MMRN1: variants seen among roughly 807,000 people sequenced by gnomAD.
MMRN1 encodes the protein multimerin 1, also known as multimerin-1.
A neutral mutation model predicts 100.7 loss-of-function variants in MMRN1; 94 were observed. The observed-to-expected ratio is 0.93, with a 90% CI of 0.79 to 1.11. The LOEUF is 1.11. MMRN1 is among the 50% of genes least tolerant of loss of function. The probability of loss-of-function intolerance (pLI) is 0.00; values close to 1 mark genes in which losing one functional copy is unlikely to be tolerated. For synonymous variants in MMRN1, 575 were observed against 505.0 expected, an observed-to-expected ratio of 1.14 and a Z score of -1.86; for missense variants, 1,606 against 1,439.1, an observed-to-expected ratio of 1.12 and a Z score of -1.88.
At chr4:89,901,787 A>G (rs1721396157) in intron 1 of MMRN1, among the ~76,000 whole-genome samples, 1 of 152,044 alleles carries the variant, frequency 6.6e-6, no homozygotes, top group Non-Finnish European at 1.5e-5. Context: ...GTTACTATAA[A>G]TATATATTGC....
chr4:89,888,286 C>G (rs531398385), intron 1 of MMRN1, among the ~76,000 whole-genome samples: 1 of 151,908 alleles, frequency 6.6e-6, no homozygotes, highest in Non-Finnish European at 1.5e-5. Context: ...TTCCCCTTTA[C>G]TTTTGAAGGA....
Position 89,901,427 on chromosome 4 carries a change from A to C in MMRN1, c.623+5833A>C, listed in dbSNP as rs995056255. On this transcript the variant is annotated intron_variant, in intron 1 of 7. Transcript: ENST00000264790. ...AAAATTATTCTGAGTTTAATGACAA[A>C]TTAGAAAATTACAAAAATTAACCAT... Among the ~76,000 whole-genome samples, 33 of 152,078 alleles carry C rather than the reference A, an allele frequency of 2.2e-4. 1 individual carries two copies. Among genetic ancestry groups the C allele is most frequent in the African/African-American group, 4.8e-5 (2 of 41,430 alleles).
chr4:89,952,096 G>A (rs1723197400), intron 7 of MMRN1, among the ~76,000 whole-genome samples: 1 of 152,060 alleles, frequency 6.6e-6, no homozygotes, highest in African/African-American at 2.4e-5. Context: ...CCTCAAACAA[G>A]CAGTTAAAGA....
At chr4:89,934,573 G>C (rs1722541569) in intron 5 of MMRN1, among the ~76,000 whole-genome samples, 1 of 152,018 alleles carries the variant, frequency 6.6e-6, no homozygotes, top group African/African-American at 2.4e-5. Context: ...TAGTTTTATG[G>C]TTTTAGTATG....
intron 6 of MMRN1, among the ~76,000 whole-genome samples, chr4:89,937,705 TA>T (rs1030924428): frequency 3.3e-5 from 5 of 152,010 alleles, no homozygotes; most frequent in Non-Finnish European, 5.9e-5. Flanking sequence ...TGCTTCACTG[TA>T]AAAAAATCCA....
chr4:89,926,052 T>C (rs1043959652), intron 4 of MMRN1, among the ~76,000 whole-genome samples: 2 of 152,208 alleles, frequency 1.3e-5, no homozygotes, highest in African/African-American at 4.8e-5. Context: ...GTTTCTTCCA[T>C]ATCTTGGCTA....
chr4:89,922,999 T>C (rs1193405357), intron 3 of MMRN1, among the ~76,000 whole-genome samples, 169 bp from the exon 4 acceptor site: 1 of 152,230 alleles, frequency 6.6e-6, no homozygotes, highest in Non-Finnish European at 1.5e-5. Context: ...CAATGTGGTG[T>C]TGCATTGCCC....
intron 1 of MMRN1, among the ~76,000 whole-genome samples, chr4:89,885,876 C>G (rs1720925106): frequency 6.6e-6 from 1 of 151,948 alleles, no homozygotes; most frequent in South Asian, 2.1e-4. Flanking sequence ...TGCCCATTTT[C>G]TGTTTCATTA....
chr4:89,888,443 G>GT (rs34226004), intron 1 of MMRN1, among the ~76,000 whole-genome samples: 125 of 143,348 alleles, frequency 8.7e-4, no homozygotes, highest in Middle Eastern at 3.7e-3. Flanking sequence ...GATATGGCGT[G>GT]TTTTTTTTTT....
intron 1 of MMRN1, among the ~76,000 whole-genome samples, chr4:89,904,542 G>A (rs1721498413): frequency 6.6e-6 from 1 of 151,620 alleles, no homozygotes; most frequent in Non-Finnish European, 1.5e-5. Flanking sequence ...TACAATATTT[G>A]TCCTTTTGTG....
At chr4:89,927,652 T>A in intron 4 of MMRN1, 143 bp from the exon 5 acceptor site, 1 of 655,878 alleles carries the variant, frequency 1.5e-6, no homozygotes, top group Non-Finnish European at 2.5e-6. Context: ...AGTGCTTTGT[T>A]GAAAAATAGT....
At position 89,927,887 on chromosome 4, in the gene MMRN1, A is replaced by G; in HGVS notation, c.1048A>G (p.Asn350Asp). ...KKIDNISLTV[N>D]DVRNTYSSLE... is the part of the protein sequence containing the mutation. ...GATTGACAATATTTCTTTGACTGTGAATGATGTAAGGAACACTTACTCCTC... is the reference window on the plus strand; with the variant it reads ...GATTGACAATATTTCTTTGACTGTGGATGATGTAAGGAACACTTACTCCTC... The change falls in exon 5 of 8, where the codon AAT becomes GAT. Residue 350 changes from asparagine to aspartate, a missense_variant. Transcript: ENST00000264790. 6.2e-7 allele frequency: 1 copy of G among 1,611,996 alleles called. No homozygotes were observed. The highest frequency in any genetic ancestry group is 8.5e-7 in the Non-Finnish European group (1 of 1,178,992).
At position 89,948,911 on chromosome 4, in the gene MMRN1, T is replaced by C. The variant is rs1238940745; in HGVS notation, c.3119-2694T>C. Among the ~76,000 whole-genome samples the C allele has an allele frequency of 2.6e-5, 4 of 152,124 alleles. No individual in the cohort carries two copies. In the East Asian group the frequency reaches 7.7e-4, roughly 29 times the overall value. Reference sequence around the variant, plus strand: ...AAGCTGTGTGCAGTCTCAAGAAGTTTGGGCTACTGTAACAGTAGTAGTAGA... The same window carrying C: ...AAGCTGTGTGCAGTCTCAAGAAGTTCGGGCTACTGTAACAGTAGTAGTAGA... On this transcript the variant is annotated intron_variant, in intron 6 of 7. Coordinates refer to ENST00000264790, the MANE Select transcript of MMRN1 (RefSeq NM_007351.3).
intron 1 of MMRN1, among the ~76,000 whole-genome samples, chr4:89,903,585 T>C (rs1031918297): frequency 1.3e-5 from 2 of 151,882 alleles, no homozygotes; most frequent in African/African-American, 2.4e-5. Context: ...AAAATCCCGC[T>C]TAACTCTGAA....
At chr4:89,925,594 G>A (rs551143725) in intron 4 of MMRN1, among the ~76,000 whole-genome samples, 39 of 151,850 alleles carry the variant, frequency 2.6e-4, no homozygotes, top group Non-Finnish European at 5.0e-4. Flanking sequence ...CACTTTGGGA[G>A]GCCAAGGCGG....
Position 89,879,657 on chromosome 4 carries a change from A to T in MMRN1, c.-249+55A>T, listed in dbSNP as rs572549810. 4 of 152,258 alleles carry T rather than the reference A, an allele frequency of 2.6e-5. No individual in the cohort carries two copies. In the South Asian group the frequency reaches 8.3e-4, roughly 32 times the overall value. The allele number at this position is 152,258 out of a possible 1,614,324, so 9.4% of individuals were successfully genotyped here. ...ACATTTGCTTATTTTTGTAAGATAG[A>T]ACTTTGTTAATGTTTCTTCAAATAA... On this transcript the variant is annotated intron_variant, in intron 1 of 8. Coordinates refer to the MMRN1 transcript ENST00000394980.
intron 1 of MMRN1, among the ~76,000 whole-genome samples, chr4:89,884,758 G>A (rs559250814): frequency 2.0e-5 from 3 of 151,932 alleles, no homozygotes; most frequent in East Asian, 1.9e-4. Context: ...CACCACACCC[G>A]GCTTTAAAAA....
intron 2 of MMRN1, 64 bp downstream of exon 2, chr4:89,909,459 T>C: frequency 2.6e-6 from 4 of 1,563,714 alleles, no homozygotes; most frequent in Non-Finnish European, 3.5e-6. Context: ...GCCGGGAATA[T>C]ATAATGTTAT....
chr4:89,909,310 C>T lies in MMRN1; in HGVS notation c.658C>T (p.Pro220Ser), dbSNP rs904683690. The change falls in exon 2 of 8, where the codon CCC becomes TCC. Residue 220 changes from proline to serine, a missense_variant. Coordinates refer to ENST00000264790, the MANE Select transcript of MMRN1 (RefSeq NM_007351.3). The stretch of plus-strand genomic sequence containing the variant: ...TGCTTATGTACATACCAGGTTATCT[C>T]CCACAGTGATATTGGACAACCAGGT... ...WCAYVHTRLS[P>S]TVILDNQVTY... is the part of the protein sequence containing the mutation. 1 of 1,609,796 alleles carries T rather than the reference C, an allele frequency of 6.2e-7. No individual in the cohort carries two copies. The highest frequency in any genetic ancestry group is 8.5e-7 in the Non-Finnish European group (1 of 1,177,260).
Sources: allele counts gnomAD v4.1 joint callset (sites outside exome capture counted in the v4.1 genomes callset), GRCh38; gene constraint gnomAD v4.1.1; transcripts MANE v1.5; gene names NCBI Gene and HGNC (gene_info 2026-07-23, HGNC 2026-07-21).